Variants in RBPMS observed in about 807,000 individuals in gnomAD.
RBPMS encodes RNA binding protein, mRNA processing factor.
RBPMS carries 7 observed loss-of-function variants against 26.8 expected under a neutral mutation model. That is an observed-to-expected ratio of 0.26 (90% CI 0.15 to 0.49). The LOEUF is 0.49. Among genes scored for constraint, RBPMS ranks in the 20% least tolerant of loss-of-function variants. The pLI is 0.98. For missense variants in RBPMS, 186 were observed against 250.0 expected (o/e 0.74, Z 1.73); for synonymous variants, 96 against 93.3 (o/e 1.03, Z -0.17).
chr8:30,484,558 C>A (rs1818596222), intron 4 of RBPMS, among the ~76,000 whole-genome samples: 3 of 152,234 alleles, frequency 2.0e-5, no homozygotes, highest in South Asian at 4.2e-4. Flanking sequence ...GCCACTCAGA[C>A]TTCCATTGCA....
At position 30,550,619 on chromosome 8, in the gene RBPMS, T is replaced by A. The variant is rs542462805; in HGVS notation, c.528+5995T>A. Among the ~76,000 whole-genome samples the A allele has an allele frequency of 4.6e-5, 7 of 152,240 alleles. No homozygotes were observed. The South Asian group carries it at 1.5e-3, about 32-fold the overall frequency. On this transcript the variant is annotated intron_variant, in intron 6 of 8. Coordinates refer to ENST00000397323, the MANE Select transcript of RBPMS (RefSeq NM_001008710.3). ...GAGCCAAATGGAAGACTGGAAAGCATGAATGAATGACGGGAGTAAGATGAG... is the reference window on the plus strand; with the variant it reads ...GAGCCAAATGGAAGACTGGAAAGCAAGAATGAATGACGGGAGTAAGATGAG...
At position 30,549,750 on chromosome 8, in the gene RBPMS, C is replaced by CTTTTCTTTT. The variant is rs1554543794; in HGVS notation, c.528+5126_528+5127insTTTTCTTTT. Among the ~76,000 whole-genome samples, 28 of 76,234 alleles carry CTTTTCTTTT rather than the reference C, an allele frequency of 3.7e-4. No homozygotes were observed. The East Asian group carries it at 8.1e-3, about 22-fold the overall frequency. 50.0% of individuals were successfully genotyped at this position (76,234 alleles called of 152,430 possible). On this transcript the variant is annotated intron_variant, in intron 6 of 8. Transcript: ENST00000397323. ...GATTTCTTTCTTTCTTTCTTTCTTTCCTTTTCTTTTCTTTTCTTTTCTTCT... is the reference window on the plus strand; with the variant it reads ...GATTTCTTTCTTTCTTTCTTTCTTTCTTTTCTTTTCTTTTCTTTTCTTTTCTTTTCTTCT...
At chr8:30,410,173 C>G (rs1809172975) in intron 1 of RBPMS, among the ~76,000 whole-genome samples, 1 of 150,530 alleles carries the variant, frequency 6.6e-6, no homozygotes, top group Non-Finnish European at 1.5e-5. Flanking sequence ...CACACACACA[C>G]ACACACACAC....
chr8:30,529,856 C>T (rs550613856), intron 5 of RBPMS, among the ~76,000 whole-genome samples: 129 of 151,632 alleles, frequency 8.5e-4, no homozygotes, highest in African/African-American at 3.0e-3. Context: ...CAGGTTCAAG[C>T]GATTCTGCTG....
At chr8:30,523,867 C>T (rs1164668599) in intron 5 of RBPMS, among the ~76,000 whole-genome samples, 2 of 152,078 alleles carry the variant, frequency 1.3e-5, no homozygotes, top group African/African-American at 4.8e-5. Flanking sequence ...TGATGGTCTA[C>T]TCATTTTTCC....
chr8:30,563,591 C>A (rs912124611), intron 7 of RBPMS, among the ~76,000 whole-genome samples: 7 of 152,212 alleles, frequency 4.6e-5, no homozygotes, highest in African/African-American at 1.4e-4. Context: ...CATGTAGTTA[C>A]AGCCTCCCCA....
intron 4 of RBPMS, among the ~76,000 whole-genome samples, chr8:30,485,170 T>C (rs1818653885): frequency 6.6e-6 from 1 of 152,220 alleles, no homozygotes; most frequent in South Asian, 2.1e-4. Flanking sequence ...CAGTCTCTGT[T>C]TCCTGTACCA....
At chr8:30,527,807 C>A (rs1365250019) in intron 5 of RBPMS, among the ~76,000 whole-genome samples, 1 of 152,200 alleles carries the variant, frequency 6.6e-6, no homozygotes, top group Non-Finnish European at 1.5e-5. Flanking sequence ...GAGAATGAGA[C>A]ATATGTTGAG....
chr8:30,473,685 G>A lies in RBPMS; in HGVS notation c.67-1094G>A, dbSNP rs1031496310. 2.6e-5 allele frequency among the ~76,000 whole-genome samples: 4 copies of A among 152,222 alleles called. No homozygotes were observed. The South Asian group carries it at 6.2e-4, about 24-fold the overall frequency. ...CACTATTCACAATAGCAAAATCATG[G>A]AATCAACCCAAATGTCCATCAATGA... On this transcript the variant is annotated intron_variant, in intron 1 of 8. Transcript: ENST00000397323.
chr8:30,554,586 A>G (rs1416450842), intron 6 of RBPMS, among the ~76,000 whole-genome samples: 1 of 152,128 alleles, frequency 6.6e-6, no homozygotes, highest in African/African-American at 2.4e-5. Context: ...ACCTTAATTA[A>G]AAGCAGCATC....
At chr8:30,504,164 G>A in intron 4 of RBPMS, 122 bp from the exon 5 acceptor site, 2 of 928,424 alleles carry the variant, frequency 2.2e-6, no homozygotes, top group Non-Finnish European at 3.4e-6. Flanking sequence ...TAGTAAGAAT[G>A]AGAGTGGTTG....
At chr8:30,549,805 C>CT (rs1554543953) in intron 6 of RBPMS, among the ~76,000 whole-genome samples, 8,143 of 108,742 alleles carry the variant, frequency 0.075, 508 homozygotes, top group African/African-American at 0.13. Context: ...TCCCCTCTCT[C>CT]CTCTCTCTCT....
At chr8:30,519,458 CTTTTTTTTTTTTTTTTT>C (rs36017963) in intron 5 of RBPMS, among the ~76,000 whole-genome samples, 8 of 89,458 alleles carry the variant, frequency 8.9e-5, no homozygotes, top group African/African-American at 3.1e-4. Flanking sequence ...GGATCTCTCT[CTTTTTTTTTTTTTTTTT>C]TTTTTTTTTT....
intron 6 of RBPMS, among the ~76,000 whole-genome samples, chr8:30,550,024 G>A (rs1826229100): frequency 6.6e-6 from 1 of 151,770 alleles, no homozygotes; most frequent in East Asian, 1.9e-4. Context: ...CTCATTTTTT[G>A]TATTTTTAGT....
At chr8:30,469,092 T>A (rs1420191957) in intron 1 of RBPMS, among the ~76,000 whole-genome samples, 1 of 152,264 alleles carries the variant, frequency 6.6e-6, no homozygotes, top group Non-Finnish European at 1.5e-5. Context: ...GTTTACCAGA[T>A]GTGGCTGCTA....
chr8:30,539,299 A>G (rs913150483), intron 5 of RBPMS, among the ~76,000 whole-genome samples: 3 of 152,148 alleles, frequency 2.0e-5, no homozygotes, highest in African/African-American at 7.2e-5. Context: ...AGACATAAAG[A>G]CCACCTGCTT....
At chr8:30,418,871 G>A (rs978423600) in intron 1 of RBPMS, among the ~76,000 whole-genome samples, 30 of 152,128 alleles carry the variant, frequency 2.0e-4, no homozygotes, top group Middle Eastern at 3.4e-3. Context: ...TGTTTTAGTG[G>A]TACAGGTACT....
intron 1 of RBPMS, among the ~76,000 whole-genome samples, chr8:30,427,504 C>T (rs577733487): frequency 6.6e-6 from 1 of 152,326 alleles, no homozygotes; most frequent in East Asian, 1.9e-4. Context: ...ACAGGAATGC[C>T]TGCTCGTCTT....
chr8:30,530,705 G>A (rs1486298324), intron 5 of RBPMS, among the ~76,000 whole-genome samples: 2 of 152,036 alleles, frequency 1.3e-5, no homozygotes, highest in Admixed American at 1.3e-4. Context: ...CAGGTGATCC[G>A]CCTGCCTCGG....
Sources: gnomAD v4.1 joint callset for allele counts (sites outside exome capture counted in the v4.1 genomes callset) on GRCh38, gnomAD v4.1.1 for gene constraint, MANE v1.5 for transcripts, NCBI Gene and HGNC (gene_info 2026-07-23, HGNC 2026-07-21) for gene names.